Variants in SRGAP3 observed in about 807,000 individuals in gnomAD.
The protein encoded by SRGAP3 is SLIT-ROBO Rho GTPase-activating protein 3.
In SRGAP3, 39 loss-of-function variants were observed where a neutral mutation model predicts 121.1. The observed-to-expected ratio is 0.32, with a 90% CI of 0.25 to 0.42. SRGAP3 has a LOEUF of 0.42. SRGAP3 is among the 10% of genes least tolerant of loss of function. The pLI, the probability that SRGAP3 is intolerant of heterozygous loss-of-function variation, is 1.00. For missense variants in SRGAP3, 1,213 were observed against 1,470.6 expected, an observed-to-expected ratio of 0.82 and a Z score of 2.86; for synonymous variants, 601 against 570.0, an observed-to-expected ratio of 1.05 and a Z score of -0.77.
intron 1 of SRGAP3, among the ~76,000 whole-genome samples, chr3:9,346,795 CCT>C (rs983502489): frequency 6.0e-5 from 9 of 149,106 alleles, no homozygotes; most frequent in South Asian, 4.3e-4. Context: ...ACTCTTCTCC[CCT>C]GAGGCTGAAG....
At chr3:9,299,353 C>G (rs537618788) in intron 3 of SRGAP3, among the ~76,000 whole-genome samples, 17 of 137,372 alleles carry the variant, frequency 1.2e-4, no homozygotes, top group African/African-American at 4.2e-4. Context: ...GAGCGAGACT[C>G]CGTCCCAAAA....
At position 9,022,184 on chromosome 3, in the gene SRGAP3, C is replaced by T. The variant is rs533275945; in HGVS notation, c.1678+3077G>A. ...TCTACCAAAAATGTAAAAAATTAGCCGGGCAAGGTGGCACACGCCTGTAGT... is the reference window on the plus strand; with the variant it reads ...TCTACCAAAAATGTAAAAAATTAGCTGGGCAAGGTGGCACACGCCTGTAGT... On this transcript the variant is annotated intron_variant, in intron 14 of 21. Coordinates refer to ENST00000383836, the MANE Select transcript of SRGAP3 (RefSeq NM_014850.4). Among the ~76,000 whole-genome samples, 5 of 152,152 alleles carry T rather than the reference C, an allele frequency of 3.3e-5. No individual in the cohort carries two copies. In the South Asian group the frequency reaches 6.2e-4, roughly 19 times the overall value.
At chr3:9,342,966 G>T (rs1955817268) in intron 1 of SRGAP3, among the ~76,000 whole-genome samples, 1 of 152,218 alleles carries the variant, frequency 6.6e-6, no homozygotes. Context: ...ACCCAGACTA[G>T]CCCATTCTGG....
At chr3:9,084,620 C>A (rs1359477677) in intron 3 of SRGAP3, among the ~76,000 whole-genome samples, 2 of 152,168 alleles carry the variant, frequency 1.3e-5, no homozygotes, top group African/African-American at 4.8e-5. Context: ...TTTTCTGTTA[C>A]TTGCAGCCAA....
intron 1 of SRGAP3, among the ~76,000 whole-genome samples, chr3:9,137,181 G>A (rs1437745491): frequency 6.6e-5 from 10 of 152,114 alleles, no homozygotes; most frequent in African/African-American, 9.7e-5. Flanking sequence ...CTTATACCAC[G>A]TTGCCAGAGA....
chr3:9,324,704 C>T (rs368165716), intron 3 of SRGAP3, among the ~76,000 whole-genome samples: 23 of 151,876 alleles, frequency 1.5e-4, no homozygotes, highest in African/African-American at 5.1e-4. Flanking sequence ...CGCCTGTCAT[C>T]TCCAGCACTT....
intron 14 of SRGAP3, among the ~76,000 whole-genome samples, chr3:9,023,472 C>G (rs150843260): frequency 3.2e-4 from 49 of 152,318 alleles, no homozygotes; most frequent in African/African-American, 1.1e-3. Flanking sequence ...CCTGTTTCCC[C>G]TGGCTCTTAC....
chr3:9,015,724 G>A lies in SRGAP3; in HGVS notation c.1686C>T (p.Asp562=), dbSNP rs1182105110. Residue 562 remains aspartate, a synonymous_variant, in exon 15 of 22, where the codon GAC becomes GAT. Coordinates refer to ENST00000383836, the MANE Select transcript of SRGAP3 (RefSeq NM_014850.4). Reference sequence around the variant, plus strand: ...GTTCATTTTGATCGTCCACAAGGGGGTCTTCACCTGAGTGGAAACAAGAGA... The same window carrying A: ...GTTCATTTTGATCGTCCACAAGGGGATCTTCACCTGAGTGGAAACAAGAGA... The part of the protein sequence containing the change: ...DIKNSFERGE[D]PLVDDQNERD... The A allele has an allele frequency of 6.2e-7, 1 of 1,614,152 alleles. No individual in the cohort carries two copies. The highest frequency in any genetic ancestry group is 8.5e-7 in the Non-Finnish European group (1 of 1,180,022).
chr3:9,106,039 G>A (rs540239015), intron 2 of SRGAP3, among the ~76,000 whole-genome samples: 8 of 152,210 alleles, frequency 5.3e-5, no homozygotes, highest in African/African-American at 1.9e-4. Flanking sequence ...CTTGAAATAC[G>A]GTTTATACTG....
intron 3 of SRGAP3, among the ~76,000 whole-genome samples, chr3:9,315,321 AT>A (rs1955325753): frequency 6.6e-6 from 1 of 152,142 alleles, no homozygotes; most frequent in Non-Finnish European, 1.5e-5. Context: ...GTCCCACTGC[AT>A]TTCACAGGCT....
chr3:9,204,651 C>CT lies in SRGAP3; in HGVS notation c.67+44233dup, dbSNP rs34957395. ...ACGAGGTACCAACTCTCCCTAAGGT[C>CT]TTTTTTTTTTTTAAGTCCTAAGTGA... On this transcript the variant is annotated intron_variant, in intron 1 of 21. Transcript: ENST00000383836. Among the ~76,000 whole-genome samples, 1,187 of 150,332 alleles carry CT rather than the reference C, an allele frequency of 7.9e-3. 8 individuals are homozygous for CT. Among genetic ancestry groups the CT allele is most frequent in the Middle Eastern group, 0.021 (6 of 292 alleles).
chr3:8,990,524 C>G lies in SRGAP3; in HGVS notation c.2874G>C (p.Glu958Asp). The G allele has an allele frequency of 1.3e-6, 2 of 1,557,608 alleles. No individual in the cohort carries two copies. Among genetic ancestry groups the G allele is most frequent in the Non-Finnish European group, 1.7e-6 (2 of 1,150,770 alleles). The change falls in exon 21 of 22, where the codon GAG (glutamate) becomes GAC (aspartate). Residue 958 changes from glutamate to aspartate, a missense_variant. Coordinates refer to ENST00000383836, the MANE Select transcript of SRGAP3 (RefSeq NM_014850.4). Reference protein sequence around the residue: ...SLGDHKSLEAEALAEDIEKTM... With the variant: ...SLGDHKSLEADALAEDIEKTM... ...CGCTGGCCCTTACTTCTGCCAGGGC[C>G]TCGGCCTCCAGGGACTTGTGGTCCC...
chr3:9,096,613 G>A (rs960477729), intron 3 of SRGAP3, among the ~76,000 whole-genome samples: 1 of 151,788 alleles, frequency 6.6e-6, no homozygotes, highest in Admixed American at 6.6e-5. Context: ...AGAGTCAAGG[G>A]TGCCACTTCC....
At position 9,032,490 on chromosome 3, in the gene SRGAP3, C is replaced by T. The variant is rs1029863651; in HGVS notation, c.1539+160G>A. 3.9e-5 allele frequency among the ~76,000 whole-genome samples: 6 copies of T among 152,188 alleles called. No individual in the cohort carries two copies. The East Asian group carries it at 7.7e-4, about 20-fold the overall frequency. On this transcript the variant is annotated intron_variant, in intron 12 of 21. Transcript: ENST00000383836. ...AATGGTTAGAAGCCACGGCAGCTCC[C>T]GTGAAAAGTCCTTGCTGAAGCTAAG...
At chr3:9,261,253 A>G (rs1954250423) in intron 3 of SRGAP3, among the ~76,000 whole-genome samples, 1 of 152,222 alleles carries the variant, frequency 6.6e-6, no homozygotes, top group African/African-American at 2.4e-5. Context: ...AAACCGAAGC[A>G]AAAAGGCTGA....
At chr3:9,360,422 T>A (rs2125298682) in intron 1 of SRGAP3, among the ~76,000 whole-genome samples, 1 of 152,338 alleles carries the variant, frequency 6.6e-6, no homozygotes, top group East Asian at 1.9e-4. Context: ...CCATCCTAAG[T>A]CAGAAAGCAT....
intron 3 of SRGAP3, among the ~76,000 whole-genome samples, chr3:9,264,861 G>GA (rs756945650): frequency 1.3e-5 from 2 of 152,022 alleles, no homozygotes; most frequent in East Asian, 1.9e-4. Flanking sequence ...CACAGAATTA[G>GA]AAAAAAACTA....
chr3:9,252,943 C>A (rs1954050737), upstream of SRGAP3, among the ~76,000 whole-genome samples: 1 of 152,184 alleles, frequency 6.6e-6, no homozygotes, highest in African/African-American at 2.4e-5. Flanking sequence ...GTGTTTATTC[C>A]ATTTCCTTGG....
chr3:9,301,687 G>C lies in SRGAP3; in HGVS notation n.442+24323C>G, dbSNP rs184357152. The stretch of plus-strand genomic sequence containing the variant: ...TGGCTTCAAGAGGAGGTAGAATATT[G>C]AGTAGTAGTAAAAAGCTTCATCTTT... On this transcript the variant is annotated intron_variant and non_coding_transcript_variant, in intron 3 of 3. Transcript: ENST00000490889. Among the ~76,000 whole-genome samples, 8 of 152,336 alleles carry C rather than the reference G, an allele frequency of 5.3e-5. No individual in the cohort carries two copies. In the East Asian group the frequency reaches 1.5e-3, roughly 29 times the overall value.
Sources: gnomAD v4.1 joint callset for allele counts (sites outside exome capture counted in the v4.1 genomes callset) on GRCh38, gnomAD v4.1.1 for gene constraint, MANE v1.5 for transcripts, NCBI Gene and HGNC (gene_info 2026-07-23, HGNC 2026-07-21) for gene names.